The following XYLT1 variants were observed in gnomAD, a reference collection of about 807,000 sequenced individuals.
XYLT1 encodes the protein xylosyltransferase 1.
In XYLT1, 36 loss-of-function variants were observed where a neutral mutation model predicts 91.3. The ratio of observed to expected loss-of-function variants is 0.39; its 90% CI spans 0.30 to 0.52. The LOEUF (loss-of-function observed/expected upper bound fraction) is 0.52. XYLT1 is among the 20% of genes least tolerant of loss of function. The pLI, the probability that XYLT1 is intolerant of heterozygous loss-of-function variation, is 0.68. For missense variants in XYLT1, 1,242 were observed against 1,284.5 expected (o/e 0.97, Z 0.51); for synonymous variants, 588 against 532.0 (o/e 1.11, Z -1.45).
chr16:17,280,347 G>A (rs2034038902), intron 2 of XYLT1, among the ~76,000 whole-genome samples: 2 of 152,096 alleles, frequency 1.3e-5, no homozygotes, highest in African/African-American at 4.8e-5. Flanking sequence ...AACACTCTGT[G>A]TCAAAATAAA....
chr16:17,357,255 T>C (rs1359798946), intron 2 of XYLT1, among the ~76,000 whole-genome samples: 2 of 150,040 alleles, frequency 1.3e-5, no homozygotes, highest in Admixed American at 1.3e-4. Context: ...CATCATTTCC[T>C]GTGACCCTCA....
intron 1 of XYLT1, among the ~76,000 whole-genome samples, chr16:17,404,333 T>A (rs1390157717): frequency 6.6e-6 from 1 of 152,134 alleles, no homozygotes; most frequent in Non-Finnish European, 1.5e-5. Flanking sequence ...CTGCTACAGC[T>A]GAGGATGAGG....
chr16:17,105,224 T>A lies in XYLT1; in HGVS notation c.*3471A>T, dbSNP rs1470399703. 6.6e-6 allele frequency: 1 copy of A among 152,252 alleles called. No homozygotes were observed. The highest frequency in any genetic ancestry group is 2.4e-5 in the African/African-American group (1 of 41,458). The allele number at this position is 152,252 out of a possible 1,614,324, so 9.4% of individuals were successfully genotyped here. ...GTTCTAGCCAGTGTCTTCTGTGTTA[T>A]CTGCAAACTAGAGAACCAGAGGGAA... On this transcript the variant is annotated 3_prime_UTR_variant, in exon 12 of 12. Coordinates refer to ENST00000261381, the MANE Select transcript of XYLT1 (RefSeq NM_022166.4).
At chr16:17,360,730 G>A (rs566971589) in intron 1 of XYLT1, among the ~76,000 whole-genome samples, 1 of 152,218 alleles carries the variant, frequency 6.6e-6, no homozygotes, top group Admixed American at 6.5e-5. Context: ...AAAGGCTAAC[G>A]AAGTGGAACC....
At chr16:17,355,868 C>T (rs2035287575) in intron 2 of XYLT1, among the ~76,000 whole-genome samples, 1 of 152,124 alleles carries the variant, frequency 6.6e-6, no homozygotes, top group Non-Finnish European at 1.5e-5. Context: ...TACTACCATG[C>T]CTGGCTATGT....
chr16:17,128,985 T>C (rs1349000477), intron 9 of XYLT1, among the ~76,000 whole-genome samples: 1 of 149,412 alleles, frequency 6.7e-6, no homozygotes, highest in Non-Finnish European at 1.5e-5. Flanking sequence ...TTATGTCCAA[T>C]TATAACAGTT....
chr16:17,265,283 G>A (rs2033788075), intron 2 of XYLT1, among the ~76,000 whole-genome samples: 1 of 152,168 alleles, frequency 6.6e-6, no homozygotes, highest in Non-Finnish European at 1.5e-5. Context: ...GCTGGAAGAA[G>A]AATGAGCAGT....
intron 2 of XYLT1, among the ~76,000 whole-genome samples, chr16:17,332,003 T>A (rs2034905033): frequency 6.6e-6 from 1 of 152,184 alleles, no homozygotes; most frequent in South Asian, 2.1e-4. Flanking sequence ...TCTGGGATTA[T>A]TTAAACAAGA....
chr16:17,369,970 G>A (rs922673248), intron 1 of XYLT1, among the ~76,000 whole-genome samples: 2 of 152,174 alleles, frequency 1.3e-5, no homozygotes, highest in African/African-American at 2.4e-5. Context: ...CCTTCTGTTC[G>A]GGGCAGCCTC....
chr16:17,289,433 C>G (rs894791804), intron 2 of XYLT1, among the ~76,000 whole-genome samples: 1 of 152,152 alleles, frequency 6.6e-6, no homozygotes, highest in Admixed American at 6.5e-5. Context: ...ATGTTCTACC[C>G]TGAGACATGT....
intron 11 of XYLT1, among the ~76,000 whole-genome samples, chr16:17,109,662 G>A: frequency 6.6e-6 from 1 of 152,254 alleles, no homozygotes; most frequent in South Asian, 2.1e-4. Context: ...CCATTTATTT[G>A]CATATTGTCT....
chr16:17,389,693 A>G (rs1306038782), intron 1 of XYLT1, among the ~76,000 whole-genome samples: 3 of 152,224 alleles, frequency 2.0e-5, no homozygotes, highest in Non-Finnish European at 4.4e-5. Context: ...TGAGAAGTTC[A>G]AAGAAAAATA....
chr16:17,392,205 C>A (rs546711621), intron 1 of XYLT1, among the ~76,000 whole-genome samples: 69 of 152,340 alleles, frequency 4.5e-4, no homozygotes, highest in African/African-American at 1.7e-3. Context: ...GTTCCTCAAG[C>A]TCATCTGACA....
intron 9 of XYLT1, among the ~76,000 whole-genome samples, chr16:17,132,221 G>GGA (rs957508007): frequency 2.0e-5 from 3 of 152,176 alleles, no homozygotes; most frequent in Non-Finnish European, 4.4e-5. Context: ...GCAGTGGGGG[G>GGA]GAGAGAGACT....
intron 9 of XYLT1, among the ~76,000 whole-genome samples, chr16:17,133,437 A>G (rs2030575486): frequency 6.6e-6 from 1 of 152,230 alleles, no homozygotes; most frequent in Non-Finnish European, 1.5e-5. Flanking sequence ...GATATTCATC[A>G]GAACATTATT....
chr16:17,128,723 A>T (rs1226658299), intron 9 of XYLT1, among the ~76,000 whole-genome samples: 5 of 152,228 alleles, frequency 3.3e-5, no homozygotes, highest in Non-Finnish European at 5.9e-5. Flanking sequence ...TTGCTGGCTG[A>T]AAAGGGCAGG....
intron 6 of XYLT1, among the ~76,000 whole-genome samples, chr16:17,152,622 C>G (rs2031308081): frequency 6.6e-6 from 1 of 152,214 alleles, no homozygotes; most frequent in Non-Finnish European, 1.5e-5. Flanking sequence ...TAAACATTTG[C>G]TTGTTTATAC....
intron 1 of XYLT1, among the ~76,000 whole-genome samples, chr16:17,441,475 A>G (rs1356096714): frequency 6.6e-6 from 1 of 152,140 alleles, no homozygotes; most frequent in Non-Finnish European, 1.5e-5. Flanking sequence ...CAGGCAGTGG[A>G]GCCAAGAAGC....
intron 1 of XYLT1, among the ~76,000 whole-genome samples, chr16:17,397,421 T>A (rs888594548): frequency 6.6e-6 from 1 of 152,142 alleles, no homozygotes; most frequent in Non-Finnish European, 1.5e-5. Flanking sequence ...GGATACATCA[T>A]AATAAACCGC....
Sources: allele counts gnomAD v4.1 joint callset (sites outside exome capture counted in the v4.1 genomes callset), GRCh38; gene constraint gnomAD v4.1.1; transcripts MANE v1.5; gene names NCBI Gene and HGNC (gene_info 2026-07-23, HGNC 2026-07-21).